Variants in CD74 observed in about 807,000 individuals in gnomAD.
CD74 encodes the protein CD74 molecule.
CD74 carries 20 observed loss-of-function variants against 37.1 expected under a neutral mutation model. The observed-to-expected ratio is 0.54, with a 90% CI of 0.38 to 0.78. The LOEUF is 0.78. CD74 is among the 30% of genes least tolerant of loss of function. CD74 has a pLI of 0.00. For synonymous variants in CD74, 150 were observed against 152.0 expected, an observed-to-expected ratio of 0.99 and a Z score of 0.10; for missense variants, 338 against 389.5, an observed-to-expected ratio of 0.87 and a Z score of 1.11.
chr5:150,404,193 C>T (rs774722118), intron 6 of CD74, among the ~76,000 whole-genome samples: 1 of 152,140 alleles, frequency 6.6e-6, no homozygotes, highest in Admixed American at 6.5e-5. Flanking sequence ...GAGACAGCAC[C>T]GGGATAGAAA....
rs561646265 is a variant in CD74 at position 150,411,059 on chromosome 5, T to G, written c.125+1566A>C. On this transcript the variant is annotated intron_variant, in intron 1 of 8. Coordinates refer to ENST00000009530, the MANE Select transcript of CD74 (RefSeq NM_001025159.3). The stretch of plus-strand genomic sequence containing the variant: ...TCTGCCTCCAACCACTCACTAGCTA[T>G]GATTACTTGGGTAAGTCACTTACCA... Among the ~76,000 whole-genome samples, 150 of 152,348 alleles carry G rather than the reference T, an allele frequency of 9.8e-4. 2 individuals are homozygous for G. Among genetic ancestry groups the G allele is most frequent in the African/African-American group, 3.5e-3 (144 of 41,590 alleles).
chr5:150,404,718 T>C lies in CD74; in HGVS notation c.587A>G (p.His196Arg). The change falls in exon 6 of 9, where the codon CAC (histidine) becomes CGC (arginine). Residue 196 changes from histidine (H) to arginine (R), a missense_variant. Physicochemically the swap from His to Arg is conservative, Grantham distance 29 (BLOSUM62 0). Coordinates refer to ENST00000009530, the MANE Select transcript of CD74 (RefSeq NM_001025159.3). Reference sequence around the variant, plus strand: ...GTCAGTGGGCTTTTGCTCCAAGGAGTGCCTGCTCATTTCAAACAGGAGCCA... The same window carrying C: ...GTCAGTGGGCTTTTGCTCCAAGGAGCGCCTGCTCATTTCAAACAGGAGCCA... Reference protein sequence around the residue: ...HHWLLFEMSRHSLEQKPTDAP... With the variant: ...HHWLLFEMSRRSLEQKPTDAP... 6.3e-7 allele frequency: 1 copy of C among 1,587,266 alleles called. No individual in the cohort carries two copies. Among genetic ancestry groups the C allele is most frequent in the Non-Finnish European group, 8.6e-7 (1 of 1,166,640 alleles).
At chr5:150,408,090 A>AT (rs900749247) in intron 1 of CD74, among the ~76,000 whole-genome samples, 4 of 150,334 alleles carry the variant, frequency 2.7e-5, no homozygotes, top group East Asian at 3.9e-4. Flanking sequence ...CAGGTATGTT[A>AT]TTTTTTTTAA....
Position 150,405,094 on chromosome 5 carries a change from TATG to T in CD74, c.525_527del (p.Ile176del), listed in dbSNP as rs1255557671. 6 of 1,612,850 alleles carry T rather than the reference TATG, an allele frequency of 3.7e-6. No homozygotes were observed. The highest frequency in any genetic ancestry group is 5.1e-6 in the Non-Finnish European group (6 of 1,179,366). ...AGGGAAACCTGCTGACCTTCCAGTC[TATG>T]GTCTCCATGGTGTTCTTAAGGTGTC... On this transcript the variant is annotated inframe_deletion, in exon 5 of 9. Coordinates refer to ENST00000009530, the MANE Select transcript of CD74 (RefSeq NM_001025159.3).
rs760797280 is a variant in CD74, at chr5:150,407,148, G to A, written c.298+4C>T. On this transcript the variant is annotated splice_donor_region_variant and intron_variant, in intron 2 of 8. Transcript: ENST00000009530. The surrounding 1 kb of genome is among the most constrained non-coding windows in gnomAD (Gnocchi z 4.4). ...GGGGTATCAGGATGTAGGGGTGCAC[G>A]CACGCTTGGGAAGCTTCATGCGCAG... The A allele has an allele frequency of 5.0e-6, 8 of 1,612,590 alleles. No homozygotes were observed. Among genetic ancestry groups the A allele is most frequent in the East Asian group, 2.2e-5 (1 of 44,856 alleles).
rs758193349 is a variant in CD74, at chr5:150,407,345, AG to A, written c.126-22del. 2 of 1,584,052 alleles carry A rather than the reference AG, an allele frequency of 1.3e-6. No individual in the cohort carries two copies. The highest frequency in any genetic ancestry group is 8.6e-7 in the Non-Finnish European group (1 of 1,164,340). ...ACTTGCTGTGGGAGGTGGGGAGGAT[AG>A]GTCAGAGGAGGATCCACAGTGGTGG... On this transcript the variant is annotated intron_variant, in intron 1 of 8. Transcript: ENST00000009530. The surrounding 1 kb of genome is among the most constrained non-coding windows in gnomAD (Gnocchi z 4.4).
rs1769902926 is a variant in CD74 at position 150,405,464 on chromosome 5, T to A, written c.442-284A>T. 2.5e-6 allele frequency: 3 copies of A among 1,188,134 alleles called. No homozygotes were observed. The East Asian group carries it at 1.2e-4, about 46-fold the overall frequency. The allele number at this position is 1,188,134 out of a possible 1,614,324, so 73.6% of individuals were successfully genotyped here. ...TCCTCCCTGTGGATGGCTGCTCAGC[T>A]TTCAGGTCTTACCTGCTCCAGCAGG... On this transcript the variant is annotated intron_variant, in intron 4 of 8. Transcript: ENST00000009530.
chr5:150,407,413 C>T lies in CD74; in HGVS notation c.126-89G>A. Reference sequence around the variant, plus strand: ...CTAGGAATGGGGAAATGTATACCCCCATCTCCATTAGACCCCTAAGCCACC... The same window carrying T: ...CTAGGAATGGGGAAATGTATACCCCTATCTCCATTAGACCCCTAAGCCACC... On this transcript the variant is annotated intron_variant, in intron 1 of 8. Coordinates refer to ENST00000009530, the MANE Select transcript of CD74 (RefSeq NM_001025159.3). The surrounding 1 kb of genome is among the most constrained non-coding windows in gnomAD (Gnocchi z 4.4). 1.9e-6 allele frequency: 2 copies of T among 1,071,242 alleles called. No individual in the cohort carries two copies. Among genetic ancestry groups the T allele is most frequent in the East Asian group, 5.2e-5 (2 of 38,556 alleles). The allele number at this position is 1,071,242 out of a possible 1,614,324, so 66.4% of individuals were successfully genotyped here. A position where few individuals can be genotyped will look rare whatever the true frequency, so the allele number is the denominator to read the frequency against.
At chr5:150,406,157 G>A (rs1581252767) in intron 4 of CD74, 102 bp downstream of exon 4, 1 of 833,328 alleles carries the variant, frequency 1.2e-6, no homozygotes. Flanking sequence ...GAGAGCACAT[G>A]TTGAAAGTCT....
intron 4 of CD74, chr5:150,405,475 A>G: frequency 8.6e-7 from 1 of 1,160,314 alleles, no homozygotes; most frequent in Non-Finnish European, 1.1e-6. Context: ...TTCAGGTCTT[A>G]CCTGCTCCAG....
chr5:150,408,400 T>C (rs1391646680), intron 1 of CD74, among the ~76,000 whole-genome samples: 1 of 152,214 alleles, frequency 6.6e-6, no homozygotes, highest in Non-Finnish European at 1.5e-5. Flanking sequence ...CCAATCTCTG[T>C]GCCTCTGTTC....
In CD74 at chr5:150,412,900, C is replaced by T. The variant is rs976770425; in HGVS notation, c.-151G>A. ...CCCACTTTGGTGAAGCTGCCTTTTG[C>T]GGGGCAGGATGTGGGGCGGGGGGGC... On this transcript the variant is annotated 5_prime_UTR_variant, in exon 1 of 9. Coordinates refer to ENST00000009530, the MANE Select transcript of CD74 (RefSeq NM_001025159.3). The T allele has an allele frequency of 4.7e-5, 71 of 1,508,220 alleles. No homozygotes were observed. The Middle Eastern group carries it at 5.4e-4, about 11-fold the overall frequency. 93.4% of individuals were successfully genotyped at this position (1,508,220 alleles called of 1,614,324 possible).
At position 150,407,630 on chromosome 5, in the gene CD74, T is replaced by TA. The variant is rs1461815417; in HGVS notation, c.126-307dup. Among the ~76,000 whole-genome samples the TA allele has an allele frequency of 7.9e-5, 12 of 152,176 alleles. No individual in the cohort carries two copies. Among genetic ancestry groups the TA allele is most frequent in the African/African-American group, 2.9e-4 (12 of 41,444 alleles). On this transcript the variant is annotated intron_variant, in intron 1 of 8. Transcript: ENST00000009530. The surrounding 1 kb of genome is among the most constrained non-coding windows in gnomAD (Gnocchi z 4.4). ...CATGCTCTTTGTCCTCTCTGGACCT[T>TA]AGGGTCCTGCCTGTGCGATGAGGGG...
Position 150,402,972 on chromosome 5 carries a change from A to T in CD74, c.817+149T>A, listed in dbSNP as rs2151168921. 2 of 638,598 alleles carry T rather than the reference A, an allele frequency of 3.1e-6. No homozygotes were observed. The highest frequency in any genetic ancestry group is 5.5e-6 in the Non-Finnish European group (2 of 366,186). The allele number at this position is 638,598 out of a possible 1,614,324, so 39.6% of individuals were successfully genotyped here. On this transcript the variant is annotated intron_variant, in intron 7 of 8. Transcript: ENST00000009530. This position sits in a 1 kb window ranked among gnomAD's most constrained non-coding sequence, Gnocchi z 4.2. ...TAGGAATGCACAGGTGGGTGGATGGATAAAGGGCTGGACGCATGACTACGT... is the reference window on the plus strand; with the variant it reads ...TAGGAATGCACAGGTGGGTGGATGGTTAAAGGGCTGGACGCATGACTACGT...
intron 4 of CD74, chr5:150,405,409 C>T: frequency 8.0e-7 from 1 of 1,256,538 alleles, no homozygotes; most frequent in East Asian, 3.2e-5. Context: ...GTTCCAGATT[C>T]CAGGCCAGCT....
At chr5:150,408,644 C>T (rs2151182707) in intron 1 of CD74, among the ~76,000 whole-genome samples, 1 of 152,254 alleles carries the variant, frequency 6.6e-6, no homozygotes, top group Middle Eastern at 3.4e-3. Context: ...ATCTGTGGGA[C>T]TTGGATGCGA....
Position 150,412,671 on chromosome 5 carries a change from T to C in CD74, c.79A>G (p.Asn27Asp). 4 of 1,614,002 alleles carry C rather than the reference T, an allele frequency of 2.5e-6. No individual in the cohort carries two copies. The highest frequency in any genetic ancestry group is 3.4e-6 in the Non-Finnish European group (4 of 1,180,004). The change falls in exon 1 of 9, where the codon AAT becomes GAT. Residue 27 changes from asparagine (N) to aspartate (D), a missense_variant. Asn to Asp is a conservative substitution (Grantham distance 23). Transcript: ENST00000009530. The stretch of plus-strand genomic sequence containing the variant: ...CGGCCCAGCATGGGCAGTTGCTCAT[T>C]GTTGGAGATAAGGTCGCGCTGGTCA... ...MDDQRDLISNNEQLPMLGRRP... is the reference protein window; with the variant it reads ...MDDQRDLISNDEQLPMLGRRP...
intron 1 of CD74, among the ~76,000 whole-genome samples, chr5:150,411,310 G>A (rs530521272): frequency 6.6e-6 from 1 of 152,266 alleles, no homozygotes; most frequent in South Asian, 2.1e-4. Context: ...CCAAGGTCAC[G>A]CGTGGCCTAG....
chr5:150,412,344 A>G (rs1319993667), intron 1 of CD74, among the ~76,000 whole-genome samples: 1 of 152,386 alleles, frequency 6.6e-6, no homozygotes, highest in South Asian at 2.1e-4. Context: ...GTGAAACTCT[A>G]GGGAGAGAAC....
Sources: gnomAD v4.1 joint callset for allele counts (sites outside exome capture counted in the v4.1 genomes callset) on GRCh38, gnomAD v4.1.1 for gene constraint, Gnocchi (gnomAD v3.1) non-coding constraint, MANE v1.5 for transcripts, NCBI Gene and HGNC (gene_info 2026-07-23, HGNC 2026-07-21) for gene names.